TBC1D2: variants seen among roughly 807,000 people sequenced by gnomAD.
The protein encoded by TBC1D2 is TBC1 domain family member 2, also known as TBC1 domain family member 2A.
In TBC1D2, 58 loss-of-function variants were observed where a neutral mutation model predicts 91.1. That is an observed-to-expected ratio of 0.64 (90% CI 0.52 to 0.79). The LOEUF is 0.79. Ranked by LOEUF, TBC1D2 falls within the 30% of genes least tolerant of loss-of-function variation. The pLI, the probability that TBC1D2 is intolerant of heterozygous loss-of-function variation, is 0.00. For missense variants in TBC1D2, 1,080 were observed against 1,208.3 expected, an observed-to-expected ratio of 0.89 and a Z score of 1.57; for synonymous variants, 482 against 511.5, an observed-to-expected ratio of 0.94 and a Z score of 0.78.
chr9:98,254,691 G>A (rs955178729), intron 1 of TBC1D2, among the ~76,000 whole-genome samples: 2 of 152,164 alleles, frequency 1.3e-5, no homozygotes, highest in African/African-American at 2.4e-5. Context: ...CCTAATCCCT[G>A]CCAGTCTCTT....
chr9:98,242,256 A>G (rs1029533207), intron 3 of TBC1D2, among the ~76,000 whole-genome samples: 2 of 151,986 alleles, frequency 1.3e-5, no homozygotes, highest in Admixed American at 1.3e-4. Context: ...CCTGGCCAAC[A>G]TAGTGAAATC....
At position 98,229,012 on chromosome 9, in the gene TBC1D2, C is replaced by T; in HGVS notation, c.918G>A (p.Glu306=). 6.2e-7 allele frequency: 1 copy of T among 1,614,208 alleles called. No homozygotes were observed. The part of the protein sequence containing the change: ...EGITRNRTAQ[E]KVAALEQQVL... ...CCTGTTGCTCCAAGGCTGCCACTTTCTCCTGGGCAGTTCGGTTCCGTGTGA... is the reference window on the plus strand; with the variant it reads ...CCTGTTGCTCCAAGGCTGCCACTTTTTCCTGGGCAGTTCGGTTCCGTGTGA... The change falls in exon 5 of 13, where the codon GAG becomes GAA. Residue 306 remains glutamate (E), a synonymous_variant. Coordinates refer to ENST00000465784, the MANE Select transcript of TBC1D2 (RefSeq NM_001267571.2).
Position 98,233,488 on chromosome 9 carries a change from CT to C in TBC1D2, c.708del (p.Glu238LysfsTer39). The C allele has an allele frequency of 6.2e-7, 1 of 1,614,202 alleles. No homozygotes were observed. Among genetic ancestry groups the C allele is most frequent in the South Asian group, 1.1e-5 (1 of 91,082 alleles). ...TCCCCACTCTGTGGAGAATCTTCCC[CT>C]GGAGGTTCATGGCCTGTTCCCTGGG... is the stretch of plus-strand genomic sequence containing the variant. ...KQAQGTGHEP[P>X]GEDSPQSGEP... On this transcript the variant is annotated frameshift_variant, in exon 4 of 13. Transcript: ENST00000465784. LOFTEE classifies it high-confidence loss of function.
rs1456042288 is a variant in TBC1D2, at chr9:98,221,159, G to C, written c.1048C>G (p.Leu350Val). The C allele has an allele frequency of 6.4e-7, 1 of 1,571,338 alleles. No homozygotes were observed. Among genetic ancestry groups the C allele is most frequent in the African/African-American group, 1.4e-5 (1 of 73,970 alleles). The change falls in exon 6 of 13, where the codon CTG becomes GTG. Residue 350 changes from leucine to valine, a missense_variant. By Grantham distance (32) the Leu-to-Val change is conservative. Transcript: ENST00000465784. ...QQEKRASSAY[L>V]AAAEDKDRLE... is the part of the protein sequence containing the mutation. ...CGGTCCTTGTCCTCAGCCGCCGCCA[G>C]GTATGCGCTGGACGCCCGCTTCTCC...
Position 98,209,132 on chromosome 9 carries a change from C to T in TBC1D2, c.1686G>A (p.Glu562=). The T allele has an allele frequency of 6.2e-7, 1 of 1,609,600 alleles. No homozygotes were observed. Among genetic ancestry groups the T allele is most frequent in the Non-Finnish European group, 8.5e-7 (1 of 1,176,202 alleles). ...IELSPISKYD[E]YGFLTVPDYE... ...AGTCGGGCACCGTCAGGAAGCCGTA[C>T]TCATCATACTTACTGCCAGCAAAAG... The change falls in exon 9 of 13, where the codon GAG becomes GAA. Residue 562 remains glutamate, a synonymous_variant. Coordinates refer to ENST00000465784, the MANE Select transcript of TBC1D2 (RefSeq NM_001267571.2).
chr9:98,225,220 G>C (rs1280780496), intron 5 of TBC1D2, among the ~76,000 whole-genome samples: 1 of 152,204 alleles, frequency 6.6e-6, no homozygotes, highest in Non-Finnish European at 1.5e-5. Context: ...CCATCTGCCA[G>C]AGCAGACGGC....
At position 98,233,444 on chromosome 9, in the gene TBC1D2, C is replaced by T. The variant is rs1385161708; in HGVS notation, c.753G>A (p.Gln251=). 1 of 1,614,118 alleles carries T rather than the reference C, an allele frequency of 6.2e-7. No individual in the cohort carries two copies. The highest frequency in any genetic ancestry group is 1.1e-5 in the South Asian group (1 of 91,082). Residue 251 remains glutamine, a synonymous_variant, in exon 4 of 13, where the codon CAG becomes CAA. Coordinates refer to ENST00000465784, the MANE Select transcript of TBC1D2 (RefSeq NM_001267571.2). The part of the protein sequence containing the change: ...PQSGEPQREE[Q]PLASDASTPG... ...GGGTGCTGGCGTCAGAGGCCAAGGG[C>T]TGCTCCTCCCTCTGAGGCTCCCCAC...
intron 4 of TBC1D2, among the ~76,000 whole-genome samples, chr9:98,231,920 C>T (rs1246802814): frequency 6.6e-6 from 1 of 152,134 alleles, no homozygotes; most frequent in African/African-American, 2.4e-5. Flanking sequence ...ATATTCCACT[C>T]ACAGCAGATG....
rs1398866961 is a variant in TBC1D2 at position 98,255,200 on chromosome 9, C to A, written c.342G>T (p.Lys114Asn). Residue 114 changes from lysine to asparagine, a missense_variant, in exon 1 of 13, where the codon AAG (lysine) becomes AAT (asparagine). Physicochemically the swap from Lys to Asn is moderately conservative, Grantham distance 94. Transcript: ENST00000465784. ...TCAGGGTAATAACCCGGCTGGGAGT[C>A]TTGATTTCGAAGATCCCCTCCTCAG... ...ADAEEGIFEIKTPSRVITLKA... is the reference protein window; with the variant it reads ...ADAEEGIFEINTPSRVITLKA... 1 of 1,609,752 alleles carries A rather than the reference C, an allele frequency of 6.2e-7. No individual in the cohort carries two copies. Among genetic ancestry groups the A allele is most frequent in the Admixed American group, 1.7e-5 (1 of 59,770 alleles).
In TBC1D2 at chr9:98,221,170, GA is replaced by G. The variant is rs1829092775; in HGVS notation, c.1036del (p.Ser346ProfsTer103). The G allele has an allele frequency of 6.4e-7, 1 of 1,563,836 alleles. No individual in the cohort carries two copies. The highest frequency in any genetic ancestry group is 1.4e-5 in the African/African-American group (1 of 73,578). On this transcript the variant is annotated frameshift_variant, in exon 6 of 13. Coordinates refer to ENST00000465784, the MANE Select transcript of TBC1D2 (RefSeq NM_001267571.2). LOFTEE classifies it high-confidence loss of function. ...LEAAQQEKRASSAYLAAAEDK... is the reference protein window; with the variant it reads ...LEAAQQEKRAXSAYLAAAEDK... ...CTCAGCCGCCGCCAGGTATGCGCTG[GA>G]CGCCCGCTTCTCCTGCTGGGCGGCC...
chr9:98,210,358 TC>T (rs1168784913), intron 8 of TBC1D2, among the ~76,000 whole-genome samples: 2 of 152,084 alleles, frequency 1.3e-5, no homozygotes, highest in East Asian at 3.9e-4. Context: ...TCTCCCCTCG[TC>T]CCCTCTCTGA....
chr9:98,246,340 C>T (rs1160634419), intron 2 of TBC1D2, among the ~76,000 whole-genome samples: 1 of 152,184 alleles, frequency 6.6e-6, no homozygotes, highest in Admixed American at 6.5e-5. Flanking sequence ...TCAGGGGGAG[C>T]TGTTCAACCT....
At chr9:98,209,287 G>T in intron 8 of TBC1D2, 143 bp from the exon 9 acceptor site, 2 of 762,408 alleles carry the variant, frequency 2.6e-6, no homozygotes, top group Admixed American at 4.5e-5. Flanking sequence ...GGTCACTTCA[G>T]TTCTCCCAAC....
At chr9:98,231,406 A>G (rs1829367089) in intron 4 of TBC1D2, among the ~76,000 whole-genome samples, 1 of 151,948 alleles carries the variant, frequency 6.6e-6, no homozygotes, top group Non-Finnish European at 1.5e-5. Context: ...TGACATAAAA[A>G]TAATCTTTTC....
chr9:98,228,852 T>C lies in TBC1D2; in HGVS notation c.978+100A>G. 8.6e-7 allele frequency: 1 copy of C among 1,164,934 alleles called. No individual in the cohort carries two copies. Among genetic ancestry groups the C allele is most frequent in the Admixed American group, 2.3e-5 (1 of 44,136 alleles). 72.2% of individuals were successfully genotyped at this position (1,164,934 alleles called of 1,614,324 possible). ...CCTTTAAAGACCAGAGAGTAGCTGG[T>C]GCCCAGCACGGCTAATGCGTCCCAT... On this transcript the variant is annotated intron_variant, in intron 5 of 12. Coordinates refer to ENST00000465784, the MANE Select transcript of TBC1D2 (RefSeq NM_001267571.2). The surrounding 1 kb of genome is among the most constrained non-coding windows in gnomAD (Gnocchi z 4.0).
intron 7 of TBC1D2, 71 bp downstream of exon 7, chr9:98,213,037 G>A (rs942792611): frequency 3.3e-5 from 50 of 1,529,250 alleles, no homozygotes; most frequent in Admixed American, 6.8e-5. Context: ...AGAGTGAGAC[G>A]GAGTGGGCAG....
In TBC1D2 at chr9:98,235,206, A is replaced by G. The variant is rs1829474031; in HGVS notation, c.648-1657T>C. On this transcript the variant is annotated intron_variant, in intron 3 of 12. Transcript: ENST00000465784. ...ACGACAGAGCGAGACTCCATTTCAAAAAAAAAAAAGATCTGGGACATAGGA... is the reference window on the plus strand; with the variant it reads ...ACGACAGAGCGAGACTCCATTTCAAGAAAAAAAAAGATCTGGGACATAGGA... 1.0e-5 allele frequency: 3 copies of G among 288,646 alleles called. No individual in the cohort carries two copies. The Admixed American group carries it at 1.1e-4, about 11-fold the overall frequency. 17.9% of individuals were successfully genotyped at this position (288,646 alleles called of 1,614,324 possible).
intron 3 of TBC1D2, among the ~76,000 whole-genome samples, chr9:98,236,928 AT>A (rs113680368): frequency 0.27 from 35,874 of 134,020 alleles, 4,385 homozygotes; most frequent in Middle Eastern, 0.31. Context: ...CATTACTTCC[AT>A]TTTTTTTTTT....
intron 5 of TBC1D2, among the ~76,000 whole-genome samples, chr9:98,222,315 C>T (rs1378119093): frequency 6.6e-6 from 1 of 152,188 alleles, no homozygotes; most frequent in Non-Finnish European, 1.5e-5. Flanking sequence ...CAGCCAGTCA[C>T]TACCAATCAA....
Sources: allele counts gnomAD v4.1 joint callset (sites outside exome capture counted in the v4.1 genomes callset), GRCh38; gene constraint gnomAD v4.1.1; non-coding constraint Gnocchi (gnomAD v3.1); transcripts MANE v1.5; gene names NCBI Gene and HGNC (gene_info 2026-07-23, HGNC 2026-07-21).